ROCK2: variants seen among roughly 807,000 people sequenced by gnomAD.
ROCK2 encodes the protein Rho associated coiled-coil containing protein kinase 2.
A neutral mutation model predicts 195.1 loss-of-function variants in ROCK2; 61 were observed. The ratio of observed to expected loss-of-function variants is 0.31; its 90% confidence interval spans 0.25 to 0.39. The LOEUF (loss-of-function observed/expected upper bound fraction) is 0.39. ROCK2 is among the 10% of genes least tolerant of loss of function. The probability of loss-of-function intolerance (pLI) is 1.00; values close to 1 mark genes in which losing one functional copy is unlikely to be tolerated. For synonymous variants in ROCK2, 504 were observed against 545.5 expected (o/e 0.92, Z 1.06); for missense variants, 1,109 against 1,637.4 (o/e 0.68, Z 5.57).
At chr2:11,266,129 G>A (rs575652517) in intron 3 of ROCK2, among the ~76,000 whole-genome samples, 10 of 152,258 alleles carry the variant, frequency 6.6e-5, no homozygotes, top group Non-Finnish European at 8.8e-5. Flanking sequence ...GTTTTCAGGC[G>A]AAATAACATG....
intron 3 of ROCK2, among the ~76,000 whole-genome samples, chr2:11,277,994 T>C (rs1446590047): frequency 6.6e-6 from 1 of 152,216 alleles, no homozygotes; most frequent in East Asian, 1.9e-4. Context: ...ATTTATGGTG[T>C]TCAACATGGT....
At chr2:11,300,100 A>C (rs1667658742) in intron 1 of ROCK2, among the ~76,000 whole-genome samples, 1 of 152,160 alleles carries the variant, frequency 6.6e-6, no homozygotes, top group Non-Finnish European at 1.5e-5. Context: ...TGATGAAACA[A>C]TTTGATAACT....
At chr2:11,224,717 TGA>T (rs1664753699) in intron 6 of ROCK2, among the ~76,000 whole-genome samples, 2 of 151,696 alleles carry the variant, frequency 1.3e-5, no homozygotes, top group African/African-American at 4.9e-5. Context: ...CCGAATTTGT[TGA>T]GTTTTTTTTT....
chr2:11,302,333 CTTTT>C (rs1667732533), intron 1 of ROCK2, among the ~76,000 whole-genome samples: 2 of 148,394 alleles, frequency 1.3e-5, no homozygotes, highest in South Asian at 4.3e-4. Context: ...TTTTTTTTTT[CTTTT>C]GAGACGGAGT....
chr2:11,249,923 G>A (rs1461407730), intron 3 of ROCK2, 125 bp from the exon 4 acceptor site: 2 of 658,092 alleles, frequency 3.0e-6, no homozygotes, highest in Non-Finnish European at 4.6e-6. Flanking sequence ...CTAATAAAAA[G>A]TAAAAGCAAA....
chr2:11,307,108 T>C (rs1002549580), intron 1 of ROCK2, among the ~76,000 whole-genome samples: 4 of 152,198 alleles, frequency 2.6e-5, no homozygotes, highest in African/African-American at 9.7e-5. Context: ...TTTCAATTAA[T>C]TTACAGTATT....
chr2:11,193,781 G>C lies in ROCK2; in HGVS notation c.3685C>G (p.Gln1229Glu). ...ADAKEIPRIF[Q>E]ILYANEGESK... ...AATATAAACAAAACTATGTTTACCT[G>C]GAATATCCTTGGAATTTCTTTAGCA... The change falls in exon 30 of 33, where the codon CAG becomes GAG. Residue 1229 changes from glutamine (Q) to glutamate (E), a missense_variant and splice_region_variant. By Grantham distance (29) the Gln-to-Glu change is conservative (BLOSUM62 2). Transcript: ENST00000315872. 1 of 1,569,664 alleles carries C rather than the reference G, an allele frequency of 6.4e-7. No individual in the cohort carries two copies. Among genetic ancestry groups the C allele is most frequent in the Non-Finnish European group, 8.7e-7 (1 of 1,151,062 alleles).
At chr2:11,320,107 C>T (rs1668355727) in intron 1 of ROCK2, among the ~76,000 whole-genome samples, 1 of 152,166 alleles carries the variant, frequency 6.6e-6, no homozygotes, top group South Asian at 2.1e-4. Flanking sequence ...GATACATTCA[C>T]TCCCTATAAG....
In ROCK2 at chr2:11,249,452, T is replaced by C. The variant is rs537081295; in HGVS notation, c.462+209A>G. 3.9e-5 allele frequency among the ~76,000 whole-genome samples: 6 copies of C among 152,326 alleles called. No individual in the cohort carries two copies. The East Asian group carries it at 9.6e-4, about 24-fold the overall frequency. Reference sequence around the variant, plus strand: ...AAGCTGCAAGTAATACTTGCTTCCATACAACAATTTAAGTAAGTATTACAT... The same window carrying C: ...AAGCTGCAAGTAATACTTGCTTCCACACAACAATTTAAGTAAGTATTACAT... On this transcript the variant is annotated intron_variant, in intron 4 of 32. Transcript: ENST00000315872.
Position 11,290,376 on chromosome 2 carries a change from A to G in ROCK2, c.142-2640T>C, listed in dbSNP as rs536383057. 9.2e-5 allele frequency among the ~76,000 whole-genome samples: 14 copies of G among 152,274 alleles called. 1 individual carries two copies. The South Asian group carries it at 1.9e-3, about 20-fold the overall frequency. ...CTACTCGGGAAGCTGAAGTGGGAGG[A>G]CTGCTTGAGCCCAGGAGTTCAAGAG... is the stretch of plus-strand genomic sequence containing the variant. On this transcript the variant is annotated intron_variant, in intron 1 of 32. Transcript: ENST00000315872.
rs1200447368 is a variant in ROCK2 at position 11,218,446 on chromosome 2, T to G, written c.1332+9A>C. The G allele has an allele frequency of 6.4e-7, 1 of 1,559,364 alleles. No individual in the cohort carries two copies. The highest frequency in any genetic ancestry group is 1.4e-5 in the African/African-American group (1 of 73,098). ...CAGTTTTTCAATATATCTGACAACA[T>G]CAACATACCTCTTGACTTTCCTATT... On this transcript the variant is annotated intron_variant, in intron 11 of 32. Coordinates refer to ENST00000315872, the MANE Select transcript of ROCK2 (RefSeq NM_004850.5).
intron 32 of ROCK2, among the ~76,000 whole-genome samples, chr2:11,187,014 A>T (rs1210593509): frequency 6.6e-6 from 1 of 152,178 alleles, no homozygotes; most frequent in Non-Finnish European, 1.5e-5. Flanking sequence ...AGGCCTGCGA[A>T]ACTTATTGTC....
At chr2:11,336,017 T>C (rs964979857) in intron 1 of ROCK2, among the ~76,000 whole-genome samples, 1 of 152,182 alleles carries the variant, frequency 6.6e-6, no homozygotes, top group African/African-American at 2.4e-5. Context: ...TAAGTTAAGA[T>C]ATATAAACCA....
intron 1 of ROCK2, among the ~76,000 whole-genome samples, chr2:11,298,085 C>T (rs1446715294): frequency 6.6e-6 from 1 of 152,138 alleles, no homozygotes; most frequent in African/African-American, 2.4e-5. Flanking sequence ...TGTATACATA[C>T]AATGTACATA....
At chr2:11,209,450 G>A (rs186401269) in intron 18 of ROCK2, among the ~76,000 whole-genome samples, 241 of 152,266 alleles carry the variant, frequency 1.6e-3, no homozygotes, top group Non-Finnish European at 3.0e-3. Context: ...CCAAGGAAAC[G>A]CTCACAATGT....
intron 1 of ROCK2, chr2:11,307,964 G>A: frequency 1.4e-6 from 2 of 1,468,394 alleles, no homozygotes; most frequent in African/African-American, 1.4e-5. Flanking sequence ...TGGGAAGGAT[G>A]GCGCCCTAGA....
At chr2:11,243,487 G>A (rs573656274) in intron 4 of ROCK2, among the ~76,000 whole-genome samples, 8 of 152,224 alleles carry the variant, frequency 5.3e-5, no homozygotes, top group Non-Finnish European at 1.2e-4. Flanking sequence ...TATGCTTGAG[G>A]TCAACATTAA....
chr2:11,195,100 A>G, intron 27 of ROCK2, 75 bp from the exon 28 acceptor site: 1 of 740,708 alleles, frequency 1.4e-6, no homozygotes, highest in Non-Finnish European at 2.1e-6. Context: ...TAAAATTTTA[A>G]TATGAAATTT....
chr2:11,345,025 G>C (rs1181667419), upstream of ROCK2, among the ~76,000 whole-genome samples: 1 of 151,182 alleles, frequency 6.6e-6, no homozygotes, highest in African/African-American at 2.4e-5. Flanking sequence ...GGGGAGCCCG[G>C]CCGCGCCCCC....
Sources: gnomAD v4.1 joint callset for allele counts (sites outside exome capture counted in the v4.1 genomes callset) on GRCh38, gnomAD v4.1.1 for gene constraint, MANE v1.5 for transcripts, NCBI Gene and HGNC (gene_info 2026-07-23, HGNC 2026-07-21) for gene names.